NCAM1: variants seen among roughly 807,000 people sequenced by gnomAD.
The protein encoded by NCAM1 is neural cell adhesion molecule 1, also known as antigen recognized by monoclonal antibody 5.1H11.
NCAM1 carries 14 observed loss-of-function variants against 109.8 expected under a neutral mutation model. The observed-to-expected ratio is 0.13, with a 90% CI of 0.08 to 0.20. NCAM1 has a LOEUF of 0.20. Ranked by LOEUF, NCAM1 falls within the 10% of genes least tolerant of loss-of-function variation. The probability of loss-of-function intolerance (pLI) is 1.00; values close to 1 mark genes in which losing one functional copy is unlikely to be tolerated. For synonymous variants in NCAM1, 418 were observed against 442.9 expected, an observed-to-expected ratio of 0.94 and a Z score of 0.70; for missense variants, 774 against 1,109.9, an observed-to-expected ratio of 0.70 and a Z score of 4.30.
At chr11:113,047,606 T>C (rs1172293614) in intron 1 of NCAM1, among the ~76,000 whole-genome samples, 6 of 152,130 alleles carry the variant, frequency 3.9e-5, no homozygotes, top group African/African-American at 1.4e-4. Context: ...ATCCTCTGTT[T>C]TGGTCTATTC....
chr11:113,046,370 A>G (rs1464262745), intron 1 of NCAM1, among the ~76,000 whole-genome samples: 1 of 152,206 alleles, frequency 6.6e-6, no homozygotes, highest in Non-Finnish European at 1.5e-5. Flanking sequence ...TGAACTCTTA[A>G]CTATAATTCT....
At chr11:113,114,387 G>A (rs1940590647) in intron 1 of NCAM1, among the ~76,000 whole-genome samples, 1 of 152,218 alleles carries the variant, frequency 6.6e-6, no homozygotes, top group Non-Finnish European at 1.5e-5. Flanking sequence ...AGCAGCTCTA[G>A]AAGATGTTGC....
intron 15 of NCAM1, among the ~76,000 whole-genome samples, chr11:113,254,204 C>T: frequency 6.6e-6 from 1 of 152,180 alleles, no homozygotes; most frequent in South Asian, 2.1e-4. Flanking sequence ...CAAATTTCTA[C>T]CTATTTTCCA....
rs1387380902 is a variant in NCAM1, at chr11:112,962,089, C to T, written c.52+425C>T. The stretch of plus-strand genomic sequence containing the variant: ...TTCCGAGGGGGAAGTGGCTTGTCAG[C>T]CCCGGCTCCGGGAAGAGTGAACAAT... On this transcript the variant is annotated intron_variant, in intron 1 of 19. Transcript: ENST00000316851. This position sits in a 1 kb window ranked among gnomAD's most constrained non-coding sequence, Gnocchi z 5.6. Among the ~76,000 whole-genome samples the T allele has an allele frequency of 2.0e-5, 3 of 152,150 alleles. No individual in the cohort carries two copies. The highest frequency in any genetic ancestry group is 4.4e-5 in the Non-Finnish European group (3 of 68,008).
rs559430396 is a variant in NCAM1 at position 113,137,825 on chromosome 11, C to T, written c.53-64554C>T. Among the ~76,000 whole-genome samples the T allele has an allele frequency of 4.3e-4, 66 of 152,286 alleles. No homozygotes were observed. In the South Asian group the frequency reaches 5.8e-3, roughly 13 times the overall value. ...TTTTACATACATATATAGACACACA[C>T]TCTGAAGGGTAGCATGTTTGACCAG... On this transcript the variant is annotated intron_variant, in intron 1 of 19. Coordinates refer to ENST00000316851, the MANE Select transcript of NCAM1 (RefSeq NM_181351.5).
chr11:113,155,894 G>T (rs574093456), intron 1 of NCAM1, among the ~76,000 whole-genome samples: 59 of 152,114 alleles, frequency 3.9e-4, no homozygotes, highest in South Asian at 1.0e-3. Context: ...TCAACTTGCT[G>T]ATGGAGACGT....
chr11:113,012,231 C>G (rs575886953), intron 1 of NCAM1, among the ~76,000 whole-genome samples: 61 of 152,172 alleles, frequency 4.0e-4, no homozygotes, highest in Admixed American at 3.7e-3. Context: ...ATTGGCCAGG[C>G]TGGTCTTGAA....
At chr11:113,127,001 G>A (rs1555097254) in intron 1 of NCAM1, among the ~76,000 whole-genome samples, 2 of 152,188 alleles carry the variant, frequency 1.3e-5, no homozygotes. Flanking sequence ...TGTTTTCTGT[G>A]CCTCTTTCCT....
At chr11:113,152,914 C>T (rs1237833690) in intron 1 of NCAM1, among the ~76,000 whole-genome samples, 1 of 152,042 alleles carries the variant, frequency 6.6e-6, no homozygotes, top group Admixed American at 6.5e-5. Context: ...TGACATCATC[C>T]TCATCTTTAG....
In NCAM1 at chr11:113,046,657, G is replaced by A. The variant is rs782029919; in HGVS notation, c.52+84993G>A. Among the ~76,000 whole-genome samples the A allele has an allele frequency of 7.2e-5, 11 of 152,184 alleles. 1 individual carries two copies. The highest frequency in any genetic ancestry group is 7.2e-4 in the Admixed American group (11 of 15,288). On this transcript the variant is annotated intron_variant, in intron 1 of 19. Coordinates refer to ENST00000316851, the MANE Select transcript of NCAM1 (RefSeq NM_181351.5). ...GAATGAATGGATGAATAAACACAAC[G>A]ATAGCTAGATGGATAGCGAGATGGA... is the stretch of plus-strand genomic sequence containing the variant.
intron 1 of NCAM1, among the ~76,000 whole-genome samples, chr11:113,189,614 T>C (rs4938000): frequency 0.74 from 112,313 of 151,936 alleles, 42,508 homozygotes; most frequent in African/African-American, 0.9. Flanking sequence ...GACTCCATTC[T>C]GATTTTAGTC....
chr11:113,031,472 G>A (rs1252600955), intron 1 of NCAM1, among the ~76,000 whole-genome samples: 1 of 152,036 alleles, frequency 6.6e-6, no homozygotes, highest in Admixed American at 6.6e-5. Context: ...CGGGCAGATC[G>A]CCTGAGGTCA....
chr11:112,965,903 T>C (rs1471839942), intron 1 of NCAM1, among the ~76,000 whole-genome samples: 1 of 152,120 alleles, frequency 6.6e-6, no homozygotes, highest in Non-Finnish European at 1.5e-5. Context: ...GCAGAACCAA[T>C]TGGCAGGCCA....
intron 7 of NCAM1, among the ~76,000 whole-genome samples, chr11:113,213,162 G>A (rs997855481): frequency 2.0e-5 from 3 of 152,188 alleles, no homozygotes; most frequent in Admixed American, 2.0e-4. Flanking sequence ...CCTACTTAGG[G>A]TTACTGTATG....
At chr11:113,186,523 T>A (rs1411939311) in intron 1 of NCAM1, among the ~76,000 whole-genome samples, 2 of 152,234 alleles carry the variant, frequency 1.3e-5, no homozygotes, top group African/African-American at 4.8e-5. Context: ...AGCTAATTGC[T>A]ATAGGATCAC....
intron 1 of NCAM1, among the ~76,000 whole-genome samples, chr11:112,980,585 G>T (rs557630518): frequency 1.3e-5 from 2 of 151,824 alleles, no homozygotes; most frequent in South Asian, 4.2e-4. Context: ...TTAGCTGTTT[G>T]TTTGTTTTTT....
chr11:113,174,915 T>A (rs1555106777), intron 1 of NCAM1, among the ~76,000 whole-genome samples: 2 of 152,124 alleles, frequency 1.3e-5, no homozygotes, highest in Non-Finnish European at 2.9e-5. Flanking sequence ...CAACTGTATC[T>A]CCATCCTCAG....
chr11:113,059,118 A>G (rs1591290751), intron 1 of NCAM1, among the ~76,000 whole-genome samples: 2 of 152,318 alleles, frequency 1.3e-5, no homozygotes, highest in South Asian at 4.1e-4. Flanking sequence ...TGACAAGGTG[A>G]TTGATACATT....
At chr11:112,989,724 A>T (rs1370388139) in intron 1 of NCAM1, among the ~76,000 whole-genome samples, 1 of 152,116 alleles carries the variant, frequency 6.6e-6, no homozygotes, top group African/African-American at 2.4e-5. Context: ...TCTGCATTTG[A>T]AGGAGCAAAC....
Sources: allele counts gnomAD v4.1 joint callset (sites outside exome capture counted in the v4.1 genomes callset), GRCh38; gene constraint gnomAD v4.1.1; non-coding constraint Gnocchi (gnomAD v3.1); transcripts MANE v1.5; gene names NCBI Gene and HGNC (gene_info 2026-07-23, HGNC 2026-07-21).